DAAM2: variants seen among roughly 807,000 people sequenced by gnomAD.
DAAM2 encodes dishevelled associated activator of morphogenesis 2, also known as disheveled-associated activator of morphogenesis 2.
DAAM2 carries 39 observed loss-of-function variants against 120.7 expected under a neutral mutation model. The ratio of observed to expected loss-of-function variants is 0.32; its 90% CI spans 0.25 to 0.42. The LOEUF is 0.42. DAAM2 is among the 10% of genes least tolerant of loss of function. DAAM2 has a pLI of 1.00. For missense variants in DAAM2, 1,283 were observed against 1,401.7 expected (o/e 0.92, Z 1.35); for synonymous variants, 488 against 524.9 (o/e 0.93, Z 0.96).
chr6:39,828,218 A>G (rs1001211343), intron 1 of DAAM2, among the ~76,000 whole-genome samples: 4 of 152,224 alleles, frequency 2.6e-5, no homozygotes, highest in African/African-American at 9.6e-5. Context: ...GGTAATTTAT[A>G]AACCAAAACA....
chr6:39,808,075 CTTT>C lies in DAAM2; in HGVS notation c.-57+15624_-57+15626del, dbSNP rs34459856. Among the ~76,000 whole-genome samples the C allele has an allele frequency of 3.2e-3, 441 of 139,992 alleles. 2 individuals are homozygous for C. The highest frequency in any genetic ancestry group is 0.015 in the Middle Eastern group (4 of 268). 91.8% of individuals were successfully genotyped at this position (139,992 alleles called of 152,430 possible). A position where few individuals can be genotyped will look rare whatever the true frequency, so the allele number is the denominator to read the frequency against. On this transcript the variant is annotated intron_variant, in intron 1 of 24. Coordinates refer to ENST00000274867, the MANE Select transcript of DAAM2 (RefSeq NM_001201427.2). ...GCACATGGTAATCACTGTTTTTGAC[CTTT>C]TTTTTTTTTTTTTCTAATTTGCGGA... is the stretch of plus-strand genomic sequence containing the variant.
rs1764336486 is a variant in DAAM2, at chr6:39,864,421, T to C, written c.259-12T>C. On this transcript the variant is annotated splice_polypyrimidine_tract_variant and intron_variant, in intron 3 of 24. Transcript: ENST00000274867. ...TGCCTGTTGGTCCATGCTGTCCTTT[T>C]TCTTGTTTCAGGAGCAGGAGGACCC... The C allele has an allele frequency of 6.2e-7, 1 of 1,611,494 alleles. No individual in the cohort carries two copies. Among genetic ancestry groups the C allele is most frequent in the Admixed American group, 1.7e-5 (1 of 59,900 alleles).
Position 39,860,779 on chromosome 6 carries a change from T to A in DAAM2, c.169-149T>A, listed in dbSNP as rs1333066646. 15 of 673,358 alleles carry A rather than the reference T, an allele frequency of 2.2e-5. No homozygotes were observed. In the Admixed American group the frequency reaches 2.3e-4, roughly 10 times the overall value. The allele number at this position is 673,358 out of a possible 1,614,324, so 41.7% of individuals were successfully genotyped here. On this transcript the variant is annotated intron_variant, in intron 2 of 24. Transcript: ENST00000274867. ...GCTGTATCTCTGATAGAAAAAGAAA[T>A]GCCCTATCATATCTTTGATGCTCTT...
chr6:39,880,015 A>T, intron 14 of DAAM2: 1 of 187,040 alleles, frequency 5.3e-6, no homozygotes, highest in South Asian at 9.6e-5. Flanking sequence ...TCCCAGAACC[A>T]CAGGTAGGGC....
At chr6:39,814,491 A>T (rs1055753328) in intron 1 of DAAM2, among the ~76,000 whole-genome samples, 8 of 152,326 alleles carry the variant, frequency 5.3e-5, no homozygotes, top group Non-Finnish European at 1.0e-4. Context: ...AGCACTTCAC[A>T]TACAACTGAT....
intron 5 of DAAM2, among the ~76,000 whole-genome samples, chr6:39,865,591 C>G (rs966095563): frequency 6.6e-6 from 1 of 152,130 alleles, no homozygotes; most frequent in African/African-American, 2.4e-5. Context: ...AGGAGGACAC[C>G]TTTCCCTTCC....
In DAAM2 at chr6:39,904,286, T is replaced by C; in HGVS notation, c.*2249T>C. 1 of 456,772 alleles carries C rather than the reference T, an allele frequency of 2.2e-6. No homozygotes were observed. Among genetic ancestry groups the C allele is most frequent in the Non-Finnish European group, 4.4e-6 (1 of 226,978 alleles). 28.3% of individuals were successfully genotyped at this position (456,772 alleles called of 1,614,324 possible). A position where few individuals can be genotyped will look rare whatever the true frequency, so the allele number is the denominator to read the frequency against. On this transcript the variant is annotated 3_prime_UTR_variant, in exon 25 of 25. Coordinates refer to ENST00000274867, the MANE Select transcript of DAAM2 (RefSeq NM_001201427.2). Reference sequence around the variant, plus strand: ...CTCTAAAAGAAAGATATTTTTCTATTTATTTTCTACATCTGGCCAGTGGCT... The same window carrying C: ...CTCTAAAAGAAAGATATTTTTCTATCTATTTTCTACATCTGGCCAGTGGCT...
chr6:39,823,553 C>T lies in DAAM2; in HGVS notation c.-57+31088C>T, dbSNP rs533865506. ...CCTTTGCAGATGGGACGACTTGTGC[C>T]GGGAAGGGGGAAGTGTGGGGCCTCC... is the stretch of plus-strand genomic sequence containing the variant. On this transcript the variant is annotated intron_variant, in intron 1 of 24. Coordinates refer to ENST00000274867, the MANE Select transcript of DAAM2 (RefSeq NM_001201427.2). Among the ~76,000 whole-genome samples the T allele has an allele frequency of 4.1e-4, 63 of 152,254 alleles. No individual in the cohort carries two copies. In the South Asian group the frequency reaches 0.01, roughly 25 times the overall value.
chr6:39,901,392 T>G lies in DAAM2; in HGVS notation c.2902T>G (p.Phe968Val). Reference sequence around the variant, plus strand: ...CATCTTTGATACCTTCTTGCAGGCCTTCTCAGAGGCCCGGCAGGATCTAGA... The same window carrying G: ...CATCTTTGATACCTTCTTGCAGGCCGTCTCAGAGGCCCGGCAGGATCTAGA... ...FGIFDTFLQAFSEARQDLEAM... is the reference protein window; with the variant it reads ...FGIFDTFLQAVSEARQDLEAM... The change falls in exon 24 of 25, where the codon TTC becomes GTC. Residue 968 changes from phenylalanine (F) to valine (V), a missense_variant. Physicochemically the swap from Phe to Val is conservative, Grantham distance 50 (BLOSUM62 -1). Coordinates refer to ENST00000274867, the MANE Select transcript of DAAM2 (RefSeq NM_001201427.2). This position sits in a 1 kb window ranked among gnomAD's most constrained non-coding sequence, Gnocchi z 4.5. 1 of 1,613,760 alleles carries G rather than the reference T, an allele frequency of 6.2e-7. No individual in the cohort carries two copies. Among genetic ancestry groups the G allele is most frequent in the Non-Finnish European group, 8.5e-7 (1 of 1,179,870 alleles).
chr6:39,793,706 A>G (rs1484053085), intron 1 of DAAM2, among the ~76,000 whole-genome samples: 1 of 152,142 alleles, frequency 6.6e-6, no homozygotes, highest in African/African-American at 2.4e-5. Context: ...CCTAGGGCGG[A>G]AAGTGTGCTC....
chr6:39,877,311 C>T (rs1764913063), intron 11 of DAAM2, among the ~76,000 whole-genome samples: 1 of 152,208 alleles, frequency 6.6e-6, no homozygotes, highest in Non-Finnish European at 1.5e-5. Flanking sequence ...TCTTCTTTTG[C>T]TCCCAGGGCT....
intron 1 of DAAM2, among the ~76,000 whole-genome samples, chr6:39,812,602 C>T (rs1762195700): frequency 7.0e-6 from 1 of 142,098 alleles, no homozygotes. Context: ...CCCACCCTGC[C>T]CCTGTCAGCC....
At position 39,897,059 on chromosome 6, in the gene DAAM2, G is replaced by A; in HGVS notation, c.2510+79G>A. 5 of 1,543,222 alleles carry A rather than the reference G, an allele frequency of 3.2e-6. No homozygotes were observed. The South Asian group carries it at 3.7e-5, about 11-fold the overall frequency. Reference sequence around the variant, plus strand: ...GCCTCTCACATCCTCCCTCTATTAGGACGGGAACATCCTAAGACTCATCAC... The same window carrying A: ...GCCTCTCACATCCTCCCTCTATTAGAACGGGAACATCCTAAGACTCATCAC... On this transcript the variant is annotated intron_variant, in intron 20 of 24. Coordinates refer to ENST00000274867, the MANE Select transcript of DAAM2 (RefSeq NM_001201427.2).
chr6:39,901,763 C>T lies in DAAM2; in HGVS notation c.2983-50C>T. ...CCCAGGGTTGGGGGGCTGCCCTGGC[C>T]TCAGCGCCTCTCCCTGAGAGGGTTC... On this transcript the variant is annotated intron_variant, in intron 24 of 24. Coordinates refer to ENST00000274867, the MANE Select transcript of DAAM2 (RefSeq NM_001201427.2). This position sits in a 1 kb window ranked among gnomAD's most constrained non-coding sequence, Gnocchi z 4.5. 2 of 1,461,276 alleles carry T rather than the reference C, an allele frequency of 1.4e-6. No individual in the cohort carries two copies. Among genetic ancestry groups the T allele is most frequent in the Non-Finnish European group, 1.8e-6 (2 of 1,105,922 alleles). 90.5% of individuals were successfully genotyped at this position (1,461,276 alleles called of 1,614,324 possible).
At chr6:39,880,481 T>C (rs1298870759) in intron 14 of DAAM2, among the ~76,000 whole-genome samples, 1 of 152,172 alleles carries the variant, frequency 6.6e-6, no homozygotes, top group Non-Finnish European at 1.5e-5. Context: ...CTGGGGGCTA[T>C]GATGGATAGT....
Position 39,903,094 on chromosome 6 carries a change from A to T in DAAM2, c.*1057A>T, listed in dbSNP as rs1272312363. On this transcript the variant is annotated 3_prime_UTR_variant, in exon 25 of 25. Transcript: ENST00000274867. Reference sequence around the variant, plus strand: ...GCAGAAGCCACAGCAGCCTCTGTCCAGCCTGCAGGTGGCCACTTGGAACCA... The same window carrying T: ...GCAGAAGCCACAGCAGCCTCTGTCCTGCCTGCAGGTGGCCACTTGGAACCA... 3.3e-5 allele frequency: 5 copies of T among 152,284 alleles called. No individual in the cohort carries two copies. 9.4% of individuals were successfully genotyped at this position (152,284 alleles called of 1,614,324 possible).
At position 39,878,987 on chromosome 6, in the gene DAAM2, T is replaced by TG. The variant is rs1338936018; in HGVS notation, c.1546-190dup. ...GACGTGTGTGTGTCTGTGGTGGTGG[T>TG]GTGTGTGTGTTTGCGTGTGTTAGAT... On this transcript the variant is annotated intron_variant, in intron 13 of 24. Coordinates refer to ENST00000274867, the MANE Select transcript of DAAM2 (RefSeq NM_001201427.2). The surrounding 1 kb of genome is among the most constrained non-coding windows in gnomAD (Gnocchi z 5.0). Among the ~76,000 whole-genome samples the TG allele has an allele frequency of 6.6e-6, 1 of 151,934 alleles. No homozygotes were observed. Among genetic ancestry groups the TG allele is most frequent in the Non-Finnish European group, 1.5e-5 (1 of 67,968 alleles).
chr6:39,884,076 C>T lies in DAAM2; in HGVS notation c.1953+7C>T. ...AGCCTACCAGAGGCACCAGGTAAGA[C>T]CCTATACCCTCTGGCCTCTTGGACC... On this transcript the variant is annotated splice_region_variant and intron_variant, in intron 15 of 24. Coordinates refer to ENST00000274867, the MANE Select transcript of DAAM2 (RefSeq NM_001201427.2). The T allele has an allele frequency of 6.7e-7, 1 of 1,492,694 alleles. No individual in the cohort carries two copies. Among genetic ancestry groups the T allele is most frequent in the Non-Finnish European group, 9.3e-7 (1 of 1,074,400 alleles). The allele number at this position is 1,492,694 out of a possible 1,614,324, so 92.5% of individuals were successfully genotyped here.
intron 1 of DAAM2, among the ~76,000 whole-genome samples, chr6:39,840,968 A>AG (rs1408452411): frequency 5.7e-5 from 3 of 53,090 alleles, no homozygotes; most frequent in South Asian, 6.0e-4. Flanking sequence ...CTGAGGTTCC[A>AG]GGGGAGGGGC....
Sources: gnomAD v4.1 joint callset for allele counts (sites outside exome capture counted in the v4.1 genomes callset) on GRCh38, gnomAD v4.1.1 for gene constraint, Gnocchi (gnomAD v3.1) non-coding constraint, MANE v1.5 for transcripts, NCBI Gene and HGNC (gene_info 2026-07-23, HGNC 2026-07-21) for gene names.